Variants in PELO observed in about 807,000 individuals in gnomAD.
PELO encodes pelota mRNA surveillance and ribosome rescue factor.
A neutral mutation model predicts 25.9 loss-of-function variants in PELO; 19 were observed. The observed-to-expected ratio is 0.73, with a 90% CI of 0.51 to 1.08. The LOEUF (loss-of-function observed/expected upper bound fraction) is 1.08, where lower values mean the gene tolerates loss of function less well. Ranked by LOEUF, PELO falls within the 50% of genes least tolerant of loss-of-function variation. The pLI is 0.00. For synonymous variants in PELO, 196 were observed against 192.2 expected, an observed-to-expected ratio of 1.02 and a Z score of -0.16; for missense variants, 498 against 491.4, an observed-to-expected ratio of 1.01 and a Z score of -0.13.
intron 1 of PELO, among the ~76,000 whole-genome samples, chr5:52,792,235 A>C (rs1355204602): frequency 6.6e-6 from 1 of 152,218 alleles, no homozygotes; most frequent in Non-Finnish European, 1.5e-5. Flanking sequence ...AAGATTTCCT[A>C]TTCAAAATGA....
intron 1 of PELO, among the ~76,000 whole-genome samples, chr5:52,798,287 G>A (rs1254832781): frequency 6.6e-6 from 1 of 152,112 alleles, no homozygotes; most frequent in Non-Finnish European, 1.5e-5. Context: ...GGAAGTAAGG[G>A]GAGACATAGA....
Position 52,801,687 on chromosome 5 carries a change from T to C in PELO, c.1005T>C (p.Ser335=). ...TRSRYVRLVD[S]VKENAGTVRI... ...GCCGGTATGTGAGGCTGGTGGACAG[T>C]GTGAAAGAGAATGCAGGCACCGTTA... Residue 335 remains serine, a synonymous_variant, in exon 3 of 3, where the codon AGT becomes AGC. Coordinates refer to ENST00000274311, the MANE Select transcript of PELO (RefSeq NM_015946.5). 6.2e-7 allele frequency: 1 copy of C among 1,614,194 alleles called. No individual in the cohort carries two copies. Among genetic ancestry groups the C allele is most frequent in the Non-Finnish European group, 8.5e-7 (1 of 1,180,032 alleles).
At chr5:52,795,669 T>C (rs377445922) in intron 1 of PELO, among the ~76,000 whole-genome samples, 1 of 151,944 alleles carries the variant, frequency 6.6e-6, no homozygotes, top group African/African-American at 2.4e-5. Context: ...TGAATAATTA[T>C]GATCATGTTA....
intron 1 of PELO, among the ~76,000 whole-genome samples, chr5:52,799,083 C>A (rs917640400): frequency 2.0e-5 from 3 of 152,148 alleles, no homozygotes; most frequent in Non-Finnish European, 4.4e-5. Context: ...CCTTTCCAAT[C>A]CACACAGAGA....
chr5:52,801,262 G>T, intron 2 of PELO, 142 bp downstream of exon 2: 9 of 1,145,102 alleles, frequency 7.9e-6, no homozygotes, highest in Non-Finnish European at 1.1e-5. Flanking sequence ...AATAAAAAGA[G>T]AATGTTAAAT....
In PELO at chr5:52,801,712, A is replaced by G. The variant is rs1404292810; in HGVS notation, c.1030A>G (p.Arg344Gly). Reference sequence around the variant, plus strand: ...TGTGAAAGAGAATGCAGGCACCGTTAGGATATTCTCTAGTCTTCACGTTTC... The same window carrying G: ...TGTGAAAGAGAATGCAGGCACCGTTGGGATATTCTCTAGTCTTCACGTTTC... Reference protein sequence around the residue: ...DSVKENAGTVRIFSSLHVSGE... With the variant: ...DSVKENAGTVGIFSSLHVSGE... Residue 344 changes from arginine (R) to glycine (G), a missense_variant, in exon 3 of 3, where the codon AGG becomes GGG. Arg to Gly is a moderately radical substitution (Grantham distance 125, BLOSUM62 -2). Coordinates refer to ENST00000274311, the MANE Select transcript of PELO (RefSeq NM_015946.5). 2.5e-6 allele frequency: 4 copies of G among 1,613,998 alleles called. No homozygotes were observed. The highest frequency in any genetic ancestry group is 8.5e-7 in the Non-Finnish European group (1 of 1,179,968).
chr5:52,801,578 TGG>T lies in PELO; in HGVS notation c.897_898del (p.Lys301GlyfsTer3). ...CGAGCTTTCTATGGACTCAAGCAGG[TGG>T]AGAAGGCCAATGAAGCCATGGCAAT... On this transcript the variant is annotated frameshift_variant, in exon 3 of 3. Transcript: ENST00000274311. LOFTEE classifies it high-confidence loss of function. 1 of 1,614,018 alleles carries T rather than the reference TGG, an allele frequency of 6.2e-7. No homozygotes were observed. Among genetic ancestry groups the T allele is most frequent in the Non-Finnish European group, 8.5e-7 (1 of 1,179,986 alleles).
intron 2 of PELO, 82 bp from the exon 3 acceptor site, chr5:52,801,327 C>A (rs1748476578): frequency 1.6e-6 from 2 of 1,268,150 alleles, no homozygotes; most frequent in East Asian, 4.7e-5. Context: ...CTTACTAGCG[C>A]TTTTGGCTTT....
chr5:52,801,692 AAG>A lies in PELO; in HGVS notation c.1014_1015del (p.Asn339CysfsTer5). 1 of 1,614,216 alleles carries A rather than the reference AAG, an allele frequency of 6.2e-7. No individual in the cohort carries two copies. The highest frequency in any genetic ancestry group is 8.5e-7 in the Non-Finnish European group (1 of 1,180,034). On this transcript the variant is annotated frameshift_variant, in exon 3 of 3. Coordinates refer to ENST00000274311, the MANE Select transcript of PELO (RefSeq NM_015946.5). LOFTEE classifies it high-confidence loss of function. ...TATGTGAGGCTGGTGGACAGTGTGAAAGAGAATGCAGGCACCGTTAGGATATT... is the reference window on the plus strand; with the variant it reads ...TATGTGAGGCTGGTGGACAGTGTGAAAGAATGCAGGCACCGTTAGGATATT...
chr5:52,801,367 C>G, intron 2 of PELO, 42 bp from the exon 3 acceptor site: 1 of 1,515,448 alleles, frequency 6.6e-7, no homozygotes, highest in Non-Finnish European at 9.1e-7. Context: ...AATGGGTGTT[C>G]TAGGAGATTA....
intron 1 of PELO, among the ~76,000 whole-genome samples, chr5:52,798,542 A>G (rs988567643): frequency 2.0e-5 from 3 of 152,200 alleles, no homozygotes; most frequent in African/African-American, 7.2e-5. Flanking sequence ...CTTTCTGGGA[A>G]GATGATTTTG....
chr5:52,793,383 TTC>T (rs1421445783), intron 1 of PELO, among the ~76,000 whole-genome samples: 2 of 152,056 alleles, frequency 1.3e-5, no homozygotes, highest in African/African-American at 4.8e-5. Context: ...CCTGAAATAT[TTC>T]TGTCTATCCA....
chr5:52,790,973 A>G (rs954450548), intron 1 of PELO, among the ~76,000 whole-genome samples: 1 of 151,980 alleles, frequency 6.6e-6, no homozygotes, highest in Non-Finnish European at 1.5e-5. Flanking sequence ...CCATCCTACC[A>G]CCCTCTGACA....
Position 52,801,714 on chromosome 5 carries a change from G to A in PELO, c.1032G>A (p.Arg344=), listed in dbSNP as rs151084647. 6 of 1,614,008 alleles carry A rather than the reference G, an allele frequency of 3.7e-6. No homozygotes were observed. Among genetic ancestry groups the A allele is most frequent in the Non-Finnish European group, 5.1e-6 (6 of 1,179,982 alleles). ...TGAAAGAGAATGCAGGCACCGTTAGGATATTCTCTAGTCTTCACGTTTCTG... is the reference window on the plus strand; with the variant it reads ...TGAAAGAGAATGCAGGCACCGTTAGAATATTCTCTAGTCTTCACGTTTCTG... The part of the protein sequence containing the change: ...DSVKENAGTV[R]IFSSLHVSGE... Residue 344 remains arginine (R), a synonymous_variant, in exon 3 of 3, where the codon AGG becomes AGA. Transcript: ENST00000274311.
intron 1 of PELO, among the ~76,000 whole-genome samples, chr5:52,795,544 T>C (rs1348986348): frequency 2.0e-5 from 3 of 151,882 alleles, no homozygotes; most frequent in Non-Finnish European, 2.9e-5. Context: ...AACTCACCAA[T>C]GAGGTCCATG....
rs976446644 is a variant in PELO at position 52,800,061 on chromosome 5, T to A, written c.-334T>A. The A allele has an allele frequency of 6.3e-6, 2 of 318,234 alleles. No individual in the cohort carries two copies. The highest frequency in any genetic ancestry group is 6.8e-5 in the South Asian group (2 of 29,548). The allele number at this position is 318,234 out of a possible 1,614,324, so 19.7% of individuals were successfully genotyped here. On this transcript the variant is annotated 5_prime_UTR_variant, in exon 2 of 3. Transcript: ENST00000274311. ...CTCCTTTGGGGACGGGAGACGTGCGTCGGGTCGCGGGACGGGGGCTGCGCA... is the reference window on the plus strand; with the variant it reads ...CTCCTTTGGGGACGGGAGACGTGCGACGGGTCGCGGGACGGGGGCTGCGCA...
intron 1 of PELO, among the ~76,000 whole-genome samples, chr5:52,790,641 C>G (rs1209386533): frequency 6.6e-6 from 1 of 152,204 alleles, no homozygotes; most frequent in Non-Finnish European, 1.5e-5. Context: ...ATCACATCTC[C>G]TTCTCAGACT....
chr5:52,803,126 G>A lies in PELO; in HGVS notation c.*1286G>A, dbSNP rs1449482477. 6.6e-6 allele frequency: 1 copy of A among 152,152 alleles called. No homozygotes were observed. Among genetic ancestry groups the A allele is most frequent in the Non-Finnish European group, 1.5e-5 (1 of 68,026 alleles). 9.4% of individuals were successfully genotyped at this position (152,152 alleles called of 1,614,324 possible). A position where few individuals can be genotyped will look rare whatever the true frequency, so the allele number is the denominator to read the frequency against. ...AGTGATACTAACTAAACTTTCGCCG[G>A]TCTTTCCTGTGTCTGTGGGCCTTCC... On this transcript the variant is annotated 3_prime_UTR_variant, in exon 3 of 3. Transcript: ENST00000274311.
Position 52,802,136 on chromosome 5 carries a change from C to CCT in PELO, c.*297_*298dup. 3.5e-6 allele frequency: 1 copy of CCT among 284,784 alleles called. No homozygotes were observed. The allele number at this position is 284,784 out of a possible 1,614,324, so 17.6% of individuals were successfully genotyped here. On this transcript the variant is annotated 3_prime_UTR_variant, in exon 3 of 3. Transcript: ENST00000274311. The stretch of plus-strand genomic sequence containing the variant: ...AAAATGTGTGTATTTAAAGACGATG[C>CCT]CTATGCAGTATATTGTTTGGGATAG...
Sources: allele counts gnomAD v4.1 joint callset (sites outside exome capture counted in the v4.1 genomes callset), GRCh38; gene constraint gnomAD v4.1.1; transcripts MANE v1.5; gene names NCBI Gene and HGNC (gene_info 2026-07-23, HGNC 2026-07-21).